The following PCDH9 variants were observed in gnomAD, a reference collection of about 807,000 sequenced individuals.
PCDH9 encodes protocadherin-9.
In PCDH9, 24 loss-of-function variants were observed where a neutral mutation model predicts 70.6. That is an observed-to-expected ratio of 0.34 (90% CI 0.25 to 0.48). PCDH9 has a LOEUF of 0.48. PCDH9 is among the 20% of genes least tolerant of loss of function. The pLI, the probability that PCDH9 is intolerant of heterozygous loss-of-function variation, is 0.99. For synonymous variants in PCDH9, 562 were observed against 558.5 expected (o/e 1.01, Z -0.09); for missense variants, 1,281 against 1,503.6 (o/e 0.85, Z 2.45).
At chr13:66,935,015 C>G (rs1027618158) in intron 2 of PCDH9, among the ~76,000 whole-genome samples, 4 of 151,638 alleles carry the variant, frequency 2.6e-5, no homozygotes, top group Non-Finnish European at 5.9e-5. Context: ...CCACCGCGCC[C>G]GGCCGTGTTT....
chr13:66,908,753 C>CTTT (rs35348940), intron 2 of PCDH9, among the ~76,000 whole-genome samples: 1 of 151,874 alleles, frequency 6.6e-6, no homozygotes, highest in Non-Finnish European at 1.5e-5. Flanking sequence ...TATGTACCTT[C>CTTT]TTTTTTTGCT....
chr13:66,611,038 A>T (rs2077288254), intron 4 of PCDH9, among the ~76,000 whole-genome samples: 1 of 152,166 alleles, frequency 6.6e-6, no homozygotes, highest in African/African-American at 2.4e-5. Context: ...TTCTTACATT[A>T]TTCTTAATGT....
intron 3 of PCDH9, among the ~76,000 whole-genome samples, chr13:66,811,678 C>T (rs1165153645): frequency 6.6e-6 from 1 of 151,112 alleles, no homozygotes; most frequent in Admixed American, 6.6e-5. Context: ...TCCTGCCTGC[C>T]TGTCTGCCTT....
chr13:67,116,048 A>T (rs971377625), intron 2 of PCDH9, among the ~76,000 whole-genome samples: 1 of 152,154 alleles, frequency 6.6e-6, no homozygotes, highest in African/African-American at 2.4e-5. Context: ...TCATAAGCTG[A>T]AAAAAGGATT....
chr13:66,954,548 C>G (rs1426605162), intron 2 of PCDH9, among the ~76,000 whole-genome samples: 1 of 152,122 alleles, frequency 6.6e-6, no homozygotes, highest in Non-Finnish European at 1.5e-5. Flanking sequence ...ATCAGACTTA[C>G]CAAGGGTGCT....
intron 4 of PCDH9, among the ~76,000 whole-genome samples, chr13:66,588,179 A>G (rs1329365949): frequency 6.6e-6 from 1 of 151,902 alleles, no homozygotes; most frequent in Non-Finnish European, 1.5e-5. Context: ...GCTTGAAACA[A>G]TCTCCTACAT....
chr13:66,669,112 C>T lies in PCDH9; in HGVS notation c.3139-37701G>A, dbSNP rs2078137412. Among the ~76,000 whole-genome samples the T allele has an allele frequency of 3.3e-5, 5 of 151,994 alleles. No homozygotes were observed. The South Asian group carries it at 1.0e-3, about 32-fold the overall frequency. On this transcript the variant is annotated intron_variant, in intron 3 of 4. Coordinates refer to ENST00000377865, the MANE Select transcript of PCDH9 (RefSeq NM_203487.3). ...AAGCAAATGGAATGTCTACATGTGC[C>T]CTTGTGCATCTCAGGCTACATCATG...
At chr13:66,347,492 A>C (rs187047349) in intron 4 of PCDH9, among the ~76,000 whole-genome samples, 1 of 152,178 alleles carries the variant, frequency 6.6e-6, no homozygotes, top group Non-Finnish European at 1.5e-5. Flanking sequence ...CAAACAAAAA[A>C]CATTATTTTT....
intron 2 of PCDH9, among the ~76,000 whole-genome samples, chr13:67,119,140 T>C (rs1490326099): frequency 6.6e-6 from 1 of 152,188 alleles, no homozygotes; most frequent in Admixed American, 6.6e-5. Context: ...AAATCTATTA[T>C]GGGCCTAAAG....
In PCDH9 at chr13:66,727,189, A is replaced by G. The variant is rs552304945; in HGVS notation, c.3139-95778T>C. Among the ~76,000 whole-genome samples, 3 of 152,316 alleles carry G rather than the reference A, an allele frequency of 2.0e-5. No individual in the cohort carries two copies. The East Asian group carries it at 5.8e-4, about 29-fold the overall frequency. The stretch of plus-strand genomic sequence containing the variant: ...AGAACGAGGAATATCCCCTGAGCCC[A>G]GTCCAAGGCTGCAGTGAGCTATGAT... On this transcript the variant is annotated intron_variant, in intron 3 of 4. Coordinates refer to ENST00000377865, the MANE Select transcript of PCDH9 (RefSeq NM_203487.3).
chr13:66,692,014 G>C (rs969705348), intron 3 of PCDH9, among the ~76,000 whole-genome samples: 2 of 152,122 alleles, frequency 1.3e-5, no homozygotes, highest in African/African-American at 4.8e-5. Context: ...TTTGAGCTAT[G>C]AGGCATTGTG....
chr13:66,842,281 T>A (rs2081129175), intron 3 of PCDH9, among the ~76,000 whole-genome samples: 1 of 152,220 alleles, frequency 6.6e-6, no homozygotes, highest in Admixed American at 6.5e-5. Context: ...ACCTATGACC[T>A]AAGTCTTATT....
rs2089837890 is a variant in PCDH9 at position 67,225,595 on chromosome 13, T to C, written c.2846A>G (p.His949Arg). The change falls in exon 2 of 5, where the codon CAT becomes CGT. Residue 949 changes from histidine to arginine, a missense_variant. His to Arg is a conservative substitution (Grantham distance 29). Transcript: ENST00000377865. ...GGAAACTGGAGTGTCTGGTTTGAGA[T>C]GAAAAGCAGGCTGTGGAGAAGCAGA... is the stretch of plus-strand genomic sequence containing the variant. Reference protein sequence around the residue: ...YKSASPQPAFHLKPDTPVSVK... With the variant: ...YKSASPQPAFRLKPDTPVSVK... 2 of 1,614,012 alleles carry C rather than the reference T, an allele frequency of 1.2e-6. No individual in the cohort carries two copies. The highest frequency in any genetic ancestry group is 8.5e-7 in the Non-Finnish European group (1 of 1,180,014).
rs1256186174 is a variant in PCDH9, at chr13:66,488,727, TATA to T, written c.3340+142480_3340+142482del. ...AATTTATATATGTGTGTGAATTTAATATAATGACATTGGTGATAGCTCAATTCT... is the reference window on the plus strand; with the variant it reads ...AATTTATATATGTGTGTGAATTTAATATGACATTGGTGATAGCTCAATTCT... On this transcript the variant is annotated intron_variant, in intron 4 of 4. Coordinates refer to ENST00000377865, the MANE Select transcript of PCDH9 (RefSeq NM_203487.3). 2.6e-5 allele frequency among the ~76,000 whole-genome samples: 4 copies of T among 152,174 alleles called. No individual in the cohort carries two copies. The East Asian group carries it at 7.7e-4, about 29-fold the overall frequency.
chr13:66,304,762 C>T lies in PCDH9; in HGVS notation c.3607G>A (p.Gly1203Ser). 2 of 1,613,376 alleles carry T rather than the reference C, an allele frequency of 1.2e-6. No homozygotes were observed. The highest frequency in any genetic ancestry group is 1.7e-6 in the Non-Finnish European group (2 of 1,179,654). The change falls in exon 5 of 5, where the codon GGC (glycine) becomes AGC (serine). Residue 1203 changes from glycine (G) to serine (S), a missense_variant. Physicochemically the swap from Gly to Ser is moderately conservative, Grantham distance 56 (BLOSUM62 0). Around this residue, in one of 4 missense-constraint regions of PCDH9, gnomAD observed 264 missense variants for 278.8 expected, o/e 0.95. Coordinates refer to ENST00000377865, the MANE Select transcript of PCDH9 (RefSeq NM_203487.3). ...NDRKQYGSNE[G>S]HFNNGSHMTD... ...ATGTGGCTGCCATTGTTGAAATGGC[C>T]TTCATTGGAGCCATACTGCTTACGG...
At position 67,147,838 on chromosome 13, in the gene PCDH9, T is replaced by C. The variant is rs1196490339; in HGVS notation, c.3036+77567A>G. ...AGCTTGGGTATGGGCCAGTTCTCTT[T>C]TTGTTTTTGGTATGTGACCTCACTG... is the stretch of plus-strand genomic sequence containing the variant. On this transcript the variant is annotated intron_variant, in intron 2 of 4. Transcript: ENST00000377865. Among the ~76,000 whole-genome samples, 3 of 152,340 alleles carry C rather than the reference T, an allele frequency of 2.0e-5. No individual in the cohort carries two copies. In the East Asian group the frequency reaches 5.8e-4, roughly 29 times the overall value.
intron 3 of PCDH9, among the ~76,000 whole-genome samples, chr13:66,632,894 A>G (rs2077590069): frequency 6.6e-6 from 1 of 152,090 alleles, no homozygotes; most frequent in Non-Finnish European, 1.5e-5. Flanking sequence ...TATATAATGT[A>G]CAATATAATC....
chr13:66,530,975 T>C (rs939904133), intron 4 of PCDH9, among the ~76,000 whole-genome samples: 6 of 152,112 alleles, frequency 3.9e-5, no homozygotes, highest in Non-Finnish European at 5.9e-5. Flanking sequence ...AGTCTGTGTT[T>C]TGTTTTGTTT....
At chr13:67,151,505 GA>G (rs201118509) in intron 2 of PCDH9, among the ~76,000 whole-genome samples, 2 of 151,674 alleles carry the variant, frequency 1.3e-5, no homozygotes, top group East Asian at 1.9e-4. Context: ...TTGTTTGCCT[GA>G]AAAAAAATAG....
Sources: allele counts gnomAD v4.1 joint callset (sites outside exome capture counted in the v4.1 genomes callset), GRCh38; gene constraint gnomAD v4.1.1; regional missense constraint gnomAD v4.1.1; transcripts MANE v1.5; gene names NCBI Gene and HGNC (gene_info 2026-07-23, HGNC 2026-07-21).